PLCG2: variants seen among roughly 807,000 people sequenced by gnomAD.
The protein encoded by PLCG2 is phospholipase C gamma 2, also known as 1-phosphatidylinositol 4,5-bisphosphate phosphodiesterase gamma-2.
In PLCG2, 69 loss-of-function variants were observed where a neutral mutation model predicts 175.6. That is an observed-to-expected ratio of 0.39 (90% CI 0.32 to 0.48). PLCG2 has a LOEUF of 0.48. Among genes scored for constraint, PLCG2 ranks in the 20% least tolerant of loss-of-function variants. The probability of loss-of-function intolerance (pLI) is 0.91; values close to 1 mark genes in which losing one functional copy is unlikely to be tolerated. For synonymous variants in PLCG2, 827 were observed against 624.0 expected (o/e 1.33, Z -4.85); for missense variants, 1,798 against 1,650.9 (o/e 1.09, Z -1.54).
chr16:81,848,287 A>G (rs1347778017), intron 2 of PLCG2, among the ~76,000 whole-genome samples: 1 of 152,176 alleles, frequency 6.6e-6, no homozygotes, highest in Non-Finnish European at 1.5e-5. Context: ...GGAAGAAGCA[A>G]GAGAGGGGTG....
chr16:81,802,179 C>G (rs953241874), intron 2 of PLCG2, among the ~76,000 whole-genome samples: 2 of 127,970 alleles, frequency 1.6e-5, no homozygotes, highest in Non-Finnish European at 3.1e-5. Flanking sequence ...GTGGCGCTAT[C>G]TTGGCTCACT....
At chr16:81,763,574 C>T (rs565424113) in intron 2 of PLCG2, among the ~76,000 whole-genome samples, 3 of 152,368 alleles carry the variant, frequency 2.0e-5, no homozygotes, top group African/African-American at 7.2e-5. Context: ...AGCTGGTCTT[C>T]TAACGTCATC....
In PLCG2 at chr16:81,936,209, G is replaced by A. The variant is rs1039745519; in HGVS notation, c.2883G>A (p.Thr961=). ...DFREIRSFVE[T]KADSIIRQKP... ...GAGAAATCCGCTCCTTTGTGGAGAC[G>A]AAGGCTGACAGCATCATCAGACAGA... The change falls in exon 27 of 33, where the codon ACG becomes ACA. Residue 961 remains threonine (T), a synonymous_variant. Transcript: ENST00000564138. 9.3e-6 allele frequency: 15 copies of A among 1,614,020 alleles called. No individual in the cohort carries two copies. In the Admixed American group the frequency reaches 1.0e-4, roughly 11 times the overall value.
At chr16:81,840,390 A>G (rs1247850828) in intron 2 of PLCG2, among the ~76,000 whole-genome samples, 2 of 152,196 alleles carry the variant, frequency 1.3e-5, no homozygotes, top group Non-Finnish European at 1.5e-5. Context: ...TAGTGTGAGG[A>G]TGATTCAAGG....
rs756855626 is a variant in PLCG2 at position 81,928,565 on chromosome 16, A to G, written c.2522A>G (p.Glu841Gly). 52 of 1,601,704 alleles carry G rather than the reference A, an allele frequency of 3.2e-5. No homozygotes were observed. Among genetic ancestry groups the G allele is most frequent in the Non-Finnish European group, 4.4e-5 (51 of 1,168,782 alleles). ...TGTCTTGTTTCTTCACAGATTATTG[A>G]AGACAATCCCTTAGGGTCTCTTTGC... is the stretch of plus-strand genomic sequence containing the variant. ...DFEELEKQII[E>G]DNPLGSLCRG... The change falls in exon 24 of 33, where the codon GAA becomes GGA. Residue 841 changes from glutamate to glycine, a missense_variant. By Grantham distance (98) the Glu-to-Gly change is moderately conservative. Transcript: ENST00000564138.
At chr16:81,942,226 T>G (rs4485362) in intron 30 of PLCG2, among the ~76,000 whole-genome samples, 52,618 of 152,106 alleles carry the variant, frequency 0.35, 11,251 homozygotes, top group Non-Finnish European at 0.47. Context: ...TCCCAGTGCC[T>G]TGCAGAGATG....
At chr16:81,761,552 C>T (rs925248964) in intron 2 of PLCG2, among the ~76,000 whole-genome samples, 1 of 152,176 alleles carries the variant, frequency 6.6e-6, no homozygotes, top group East Asian at 1.9e-4. Flanking sequence ...GCTAGCCTTT[C>T]AAACTTGACC....
At chr16:81,889,929 A>G (rs1567518139) in intron 10 of PLCG2, among the ~76,000 whole-genome samples, 2 of 152,032 alleles carry the variant, frequency 1.3e-5, no homozygotes, top group Admixed American at 6.6e-5. Flanking sequence ...TACTGGGATT[A>G]TAGGTGTGAG....
intron 30 of PLCG2, among the ~76,000 whole-genome samples, chr16:81,942,573 G>A (rs141587683): frequency 2.6e-4 from 39 of 152,252 alleles, no homozygotes; most frequent in Admixed American, 1.7e-3. Context: ...CAGTTGGAGC[G>A]CAGGAAGGAA....
rs911727860 is a variant in PLCG2 at position 81,960,808 on chromosome 16, C to T, written c.*2810C>T. 1.9e-4 allele frequency: 44 copies of T among 229,694 alleles called. No individual in the cohort carries two copies. The highest frequency in any genetic ancestry group is 1.8e-4 in the South Asian group (1 of 5,502). The allele number at this position is 229,694 out of a possible 1,614,324, so 14.2% of individuals were successfully genotyped here. ...CCTTTAGATTAAGCTAGCCTTACCC[C>T]TGGGAGTATACCAGAGCTTTCCAAG... On this transcript the variant is annotated 3_prime_UTR_variant, in exon 33 of 33. Coordinates refer to ENST00000564138, the MANE Select transcript of PLCG2 (RefSeq NM_002661.5).
chr16:81,955,718 A>T (rs1021083607), intron 31 of PLCG2, among the ~76,000 whole-genome samples: 1 of 152,194 alleles, frequency 6.6e-6, no homozygotes, highest in African/African-American at 2.4e-5. Context: ...CCAAGAAAAG[A>T]AACTCTACCA....
chr16:81,760,945 C>A (rs1168984944), intron 2 of PLCG2, among the ~76,000 whole-genome samples: 1 of 151,926 alleles, frequency 6.6e-6, no homozygotes, highest in East Asian at 1.9e-4. Flanking sequence ...ACTCTGTCAC[C>A]CAGGCTAGAA....
In PLCG2 at chr16:81,934,691, G is replaced by C. The variant is rs193286740; in HGVS notation, c.2842+160G>C. On this transcript the variant is annotated intron_variant, in intron 26 of 32. Coordinates refer to ENST00000564138, the MANE Select transcript of PLCG2 (RefSeq NM_002661.5). The stretch of plus-strand genomic sequence containing the variant: ...GTTTGTCCTCCGAGTGAGGGAGCTG[G>C]TGGCAGAAGCTTTTTTGGTGTATTA... 1.9e-4 allele frequency among the ~76,000 whole-genome samples: 29 copies of C among 152,276 alleles called. No homozygotes were observed. In the East Asian group the frequency reaches 5.4e-3, roughly 28 times the overall value.
In PLCG2 at chr16:81,912,685, G is replaced by C. The variant is rs766717978; in HGVS notation, c.2023G>C (p.Glu675Gln). ...RDGAFLIRKR[E>Q]GSDSYAITFR... Reference sequence around the variant, plus strand: ...CGGGGCCTTCCTGATCCGGAAGCGAGAGGGGAGCGACTCCTATGCCATCAC... The same window carrying C: ...CGGGGCCTTCCTGATCCGGAAGCGACAGGGGAGCGACTCCTATGCCATCAC... Residue 675 changes from glutamate to glutamine, a missense_variant, in exon 19 of 33, where the codon GAG becomes CAG. Glu to Gln is a conservative substitution (Grantham distance 29). Transcript: ENST00000564138. The C allele has an allele frequency of 1.2e-5, 19 of 1,611,590 alleles. No individual in the cohort carries two copies. Among genetic ancestry groups the C allele is most frequent in the Middle Eastern group, 1.6e-4 (1 of 6,078 alleles).
At chr16:81,782,661 A>C (rs1284973448) in intron 1 of PLCG2, among the ~76,000 whole-genome samples, 1 of 152,184 alleles carries the variant, frequency 6.6e-6, no homozygotes, top group Non-Finnish European at 1.5e-5. Flanking sequence ...TTCGTGAGAT[A>C]CAAGAACCCC....
chr16:81,922,349 C>T (rs775868782), intron 21 of PLCG2, among the ~76,000 whole-genome samples: 5 of 152,202 alleles, frequency 3.3e-5, no homozygotes, highest in African/African-American at 7.2e-5. Context: ...TCAGTTTTCT[C>T]ATCTGCAAAA....
intron 19 of PLCG2, 103 bp from the exon 20 acceptor site, chr16:81,919,381 C>T: frequency 1.2e-6 from 1 of 854,250 alleles, no homozygotes; most frequent in Non-Finnish European, 1.9e-6. Flanking sequence ...ACCCACTTCT[C>T]TAAGGCTGGA....
intron 2 of PLCG2, among the ~76,000 whole-genome samples, chr16:81,794,223 G>A (rs191053631): frequency 6.6e-6 from 1 of 152,160 alleles, no homozygotes; most frequent in East Asian, 1.9e-4. Context: ...CGAAGTGAGA[G>A]TTTACTGTAT....
chr16:81,748,644 C>CA (rs906299871), intron 1 of PLCG2, among the ~76,000 whole-genome samples: 5 of 151,850 alleles, frequency 3.3e-5, no homozygotes, highest in Admixed American at 2.0e-4. Flanking sequence ...ATTCAAATTG[C>CA]AAAAAAATAA....
Sources: allele counts gnomAD v4.1 joint callset (sites outside exome capture counted in the v4.1 genomes callset), GRCh38; gene constraint gnomAD v4.1.1; transcripts MANE v1.5; gene names NCBI Gene and HGNC (gene_info 2026-07-23, HGNC 2026-07-21).